Variants in ZBTB17 observed in about 807,000 individuals in gnomAD.
ZBTB17 encodes the protein zinc finger and BTB domain containing 17, also known as zinc finger and BTB domain-containing protein 17.
A neutral mutation model predicts 85.1 loss-of-function variants in ZBTB17; 24 were observed. The ratio of observed to expected loss-of-function variants is 0.28; its 90% CI spans 0.20 to 0.40. ZBTB17 has a LOEUF of 0.40. Ranked by LOEUF, ZBTB17 falls within the 10% of genes least tolerant of loss-of-function variation. ZBTB17 has a pLI of 1.00. For synonymous variants in ZBTB17, 464 were observed against 460.2 expected (o/e 1.01, Z -0.11); for missense variants, 743 against 1,105.1 (o/e 0.67, Z 4.65).
At chr1:15,945,252 G>T in intron 6 of ZBTB17, 50 bp from the exon 7 acceptor site, 1 of 1,538,186 alleles carries the variant, frequency 6.5e-7, no homozygotes, top group East Asian at 2.5e-5. Flanking sequence ...CTGCCTGAGC[G>T]CACGTGAGGG....
rs2071875347 is a variant in ZBTB17, at chr1:15,952,054, G to A, written c.-2-3557C>T. On this transcript the variant is annotated intron_variant, in intron 2 of 15. Coordinates refer to ENST00000375743, the MANE Select transcript of ZBTB17 (RefSeq NM_003443.3). The surrounding 1 kb of genome is among the most constrained non-coding windows in gnomAD (Gnocchi z 4.3). ...GTCTTGTCTTCACCTTGCGTGATGG[G>A]CGATAAATATGTGCACTAGTTAAAG... 6.6e-6 allele frequency among the ~76,000 whole-genome samples: 1 copy of A among 152,150 alleles called. No individual in the cohort carries two copies. Among genetic ancestry groups the A allele is most frequent in the Admixed American group, 6.5e-5 (1 of 15,280 alleles).
rs764141283 is a variant in ZBTB17, at chr1:15,945,044, T to G, written c.820A>C (p.Thr274Pro). 3 of 1,610,078 alleles carry G rather than the reference T, an allele frequency of 1.9e-6. No individual in the cohort carries two copies. The Admixed American group carries it at 5.0e-5, about 27-fold the overall frequency. ...GAGCCGAGCTCCTGCCCCGAGTCTG[T>G]GCCCGCTGACTCCTCATTCTCGTTC... is the stretch of plus-strand genomic sequence containing the variant. ...EENENEESAGTDSGQELGSEA... is the reference protein window; with the variant it reads ...EENENEESAGPDSGQELGSEA... The change falls in exon 7 of 16, where the codon ACA becomes CCA. Residue 274 changes from threonine to proline, a missense_variant. Transcript: ENST00000375743.
At chr1:15,946,383 C>G in intron 4 of ZBTB17, 89 bp from the exon 5 acceptor site, 1 of 1,544,926 alleles carries the variant, frequency 6.5e-7, no homozygotes, top group Non-Finnish European at 8.8e-7. Flanking sequence ...CTAGGTCTTC[C>G]TCGTCCTCCC....
chr1:15,953,341 G>C lies in ZBTB17; in HGVS notation c.-2-4844C>G, dbSNP rs1274339832. Among the ~76,000 whole-genome samples the C allele has an allele frequency of 6.6e-6, 1 of 152,146 alleles. No individual in the cohort carries two copies. The highest frequency in any genetic ancestry group is 1.5e-5 in the Non-Finnish European group (1 of 68,028). On this transcript the variant is annotated intron_variant, in intron 2 of 15. Transcript: ENST00000375743. The surrounding 1 kb of genome is among the most constrained non-coding windows in gnomAD (Gnocchi z 5.1). The stretch of plus-strand genomic sequence containing the variant: ...TTTCAAAAATTTTAATAAGAAAAAA[G>C]TGAGGTTCAGTTGCCAGACTTGATC...
At chr1:15,949,662 C>T (rs542858271) in intron 2 of ZBTB17, among the ~76,000 whole-genome samples, 4 of 152,344 alleles carry the variant, frequency 2.6e-5, no homozygotes, top group South Asian at 2.1e-4. Flanking sequence ...AGCTCTGCCC[C>T]GGCTCAGGCA....
intron 2 of ZBTB17, among the ~76,000 whole-genome samples, chr1:15,971,333 G>GTA (rs141853016): frequency 5.9e-4 from 85 of 144,566 alleles, no homozygotes; most frequent in Admixed American, 1.1e-3. Flanking sequence ...ATGTGTGTAT[G>GTA]TATATATATA....
chr1:15,969,925 T>G, intron 2 of ZBTB17: 1 of 657,954 alleles, frequency 1.5e-6, no homozygotes, highest in East Asian at 3.0e-5. Context: ...GGTGTGAATC[T>G]GCCCTCCCAT....
Position 15,951,737 on chromosome 1 carries a change from C to T in ZBTB17, c.-2-3240G>A, listed in dbSNP as rs2071850609. Among the ~76,000 whole-genome samples, 1 of 152,156 alleles carries T rather than the reference C, an allele frequency of 6.6e-6. No individual in the cohort carries two copies. Among genetic ancestry groups the T allele is most frequent in the Non-Finnish European group, 1.5e-5 (1 of 68,030 alleles). ...ATCCTAGTTCCCCTCTTATCTATTC[C>T]TCAGCGACAGGAACCCAGCAGGACG... On this transcript the variant is annotated intron_variant, in intron 2 of 15. Transcript: ENST00000375743. The surrounding 1 kb of genome is among the most constrained non-coding windows in gnomAD (Gnocchi z 4.1).
chr1:15,960,496 A>T (rs2072219534), intron 2 of ZBTB17, among the ~76,000 whole-genome samples: 1 of 152,232 alleles, frequency 6.6e-6, no homozygotes, highest in African/African-American at 2.4e-5. Context: ...TAAAAATCTC[A>T]TCAGTAATCA....
At chr1:15,944,044 G>A in intron 9 of ZBTB17, 149 bp from the exon 10 acceptor site, 1 of 976,352 alleles carries the variant, frequency 1.0e-6, no homozygotes, top group Non-Finnish European at 1.6e-6. Flanking sequence ...GAGGTCCCAG[G>A]TCCCAGCGGT....
In ZBTB17 at chr1:15,951,455, A is replaced by G. The variant is rs2071838670; in HGVS notation, c.-2-2958T>C. On this transcript the variant is annotated intron_variant, in intron 2 of 15. Coordinates refer to ENST00000375743, the MANE Select transcript of ZBTB17 (RefSeq NM_003443.3). The surrounding 1 kb of genome is among the most constrained non-coding windows in gnomAD (Gnocchi z 4.1). ...CGAGGGGGCCAGGAGGGGGCGGACT[A>G]AGTGCTAAATGGTGTTACCCGCAGA... is the stretch of plus-strand genomic sequence containing the variant. 6.6e-6 allele frequency among the ~76,000 whole-genome samples: 1 copy of G among 152,150 alleles called. No homozygotes were observed. The highest frequency in any genetic ancestry group is 1.5e-5 in the Non-Finnish European group (1 of 68,034).
chr1:15,944,913 A>C (rs759649573), intron 7 of ZBTB17, 24 bp downstream of exon 7: 1 of 1,562,556 alleles, frequency 6.4e-7, no homozygotes, highest in Non-Finnish European at 8.7e-7. Flanking sequence ...GCTGGCTGGG[A>C]GGGCTGGCCA....
chr1:15,949,160 G>A (rs1030833043), intron 2 of ZBTB17, among the ~76,000 whole-genome samples: 1 of 152,120 alleles, frequency 6.6e-6, no homozygotes, highest in African/African-American at 2.4e-5. Flanking sequence ...CATCCCAGGA[G>A]AAACAACTTT....
Position 15,964,680 on chromosome 1 carries a change from G to A in ZBTB17, c.-3+8359C>T, listed in dbSNP as rs141588765. On this transcript the variant is annotated intron_variant, in intron 2 of 15. Coordinates refer to ENST00000375743, the MANE Select transcript of ZBTB17 (RefSeq NM_003443.3). The surrounding 1 kb of genome is among the most constrained non-coding windows in gnomAD (Gnocchi z 4.3). ...TGTAGTGAGCCAAGATCACACCACT[G>A]CACTACAGCCTGGGTGACAGAGCGA... is the stretch of plus-strand genomic sequence containing the variant. 6.5e-4 allele frequency among the ~76,000 whole-genome samples: 99 copies of A among 152,228 alleles called. 1 individual carries two copies. In the East Asian group the frequency reaches 0.015, roughly 23 times the overall value.
intron 2 of ZBTB17, among the ~76,000 whole-genome samples, chr1:15,959,243 C>T (rs1437068117): frequency 6.6e-6 from 1 of 152,122 alleles, no homozygotes; most frequent in Non-Finnish European, 1.5e-5. Context: ...TGCCATTTGT[C>T]CAAAACTATG....
chr1:15,944,890 G>A (rs1370778215), intron 7 of ZBTB17, 47 bp downstream of exon 7: 1 of 1,562,958 alleles, frequency 6.4e-7, no homozygotes, highest in Non-Finnish European at 8.7e-7. Flanking sequence ...GTGGGAGGCC[G>A]GAGGGGAGGG....
chr1:15,950,004 C>T (rs569827423), intron 2 of ZBTB17, among the ~76,000 whole-genome samples: 93 of 152,300 alleles, frequency 6.1e-4, no homozygotes, highest in African/African-American at 2.2e-3. Flanking sequence ...GCTGTTCCCT[C>T]CCCCTACACA....
In ZBTB17 at chr1:15,953,746, C is replaced by T. The variant is rs1166433556; in HGVS notation, c.-2-5249G>A. ...ACCTGGATCTGGGTTCCACCAGCCA[C>T]CCGCAGGTGATCTCCAGCAAAGCTT... On this transcript the variant is annotated intron_variant, in intron 2 of 15. Coordinates refer to ENST00000375743, the MANE Select transcript of ZBTB17 (RefSeq NM_003443.3). This position sits in a 1 kb window ranked among gnomAD's most constrained non-coding sequence, Gnocchi z 5.1. 6.6e-6 allele frequency among the ~76,000 whole-genome samples: 1 copy of T among 152,214 alleles called. No individual in the cohort carries two copies. Among genetic ancestry groups the T allele is most frequent in the Non-Finnish European group, 1.5e-5 (1 of 68,046 alleles).
chr1:15,970,572 G>A (rs79839824), intron 2 of ZBTB17, among the ~76,000 whole-genome samples: 3,099 of 149,266 alleles, frequency 0.021, 95 homozygotes, highest in African/African-American at 0.072. Flanking sequence ...CTCTTGAGAT[G>A]GAGTCTCGTT....
Sources: allele counts gnomAD v4.1 joint callset (sites outside exome capture counted in the v4.1 genomes callset), GRCh38; gene constraint gnomAD v4.1.1; non-coding constraint Gnocchi (gnomAD v3.1); transcripts MANE v1.5; gene names NCBI Gene and HGNC (gene_info 2026-07-23, HGNC 2026-07-21).